The following SEPTIN8 variants were observed in gnomAD, a reference collection of about 807,000 sequenced individuals.
SEPTIN8 encodes septin 8.
A neutral mutation model predicts 53.1 loss-of-function variants in SEPTIN8; 22 were observed. The observed-to-expected ratio is 0.41, with a 90% CI of 0.30 to 0.59. The LOEUF (loss-of-function observed/expected upper bound fraction) is 0.59, where lower values mean the gene tolerates loss of function less well. Among genes scored for constraint, SEPTIN8 ranks in the 20% least tolerant of loss-of-function variants. The probability of loss-of-function intolerance (pLI) is 0.24; values close to 1 mark genes in which losing one functional copy is unlikely to be tolerated. For synonymous variants in SEPTIN8, 228 were observed against 248.4 expected, an observed-to-expected ratio of 0.92 and a Z score of 0.77; for missense variants, 536 against 638.7, an observed-to-expected ratio of 0.84 and a Z score of 1.73.
In SEPTIN8 at chr5:132,768,618, C is replaced by T. The variant is rs1009043154; in HGVS notation, c.31-3089G>A. ...ATGACTCAGAAATAAAGTCAGGTGACCCAGTGGCTACCAGCCCTGCAATTT... is the reference window on the plus strand; with the variant it reads ...ATGACTCAGAAATAAAGTCAGGTGATCCAGTGGCTACCAGCCCTGCAATTT... On this transcript the variant is annotated intron_variant, in intron 1 of 9. Transcript: ENST00000378719. 5.9e-5 allele frequency among the ~76,000 whole-genome samples: 9 copies of T among 152,352 alleles called. No homozygotes were observed. In the South Asian group the frequency reaches 8.3e-4, roughly 14 times the overall value.
At chr5:132,779,129 G>A (rs756097165), upstream of SEPTIN8, among the ~76,000 whole-genome samples, 4 of 152,188 alleles carry the variant, frequency 2.6e-5, no homozygotes, top group Admixed American at 6.5e-5. Context: ...GAGTAAACAG[G>A]AGAATTTCCT....
At position 132,750,903 on chromosome 5, in the gene SEPTIN8, A is replaced by G. The variant is rs771530528; in HGVS notation, c.*1113T>C. 7 of 1,614,150 alleles carry G rather than the reference A, an allele frequency of 4.3e-6. No individual in the cohort carries two copies. Among genetic ancestry groups the G allele is most frequent in the Admixed American group, 1.7e-5 (1 of 60,012 alleles). ...TTCACAAAGCACTATGGCTCTGACT[A>G]TTCCCCGAATGAGCTGCTGAGGATG... On this transcript the variant is annotated 3_prime_UTR_variant, in exon 10 of 10. Transcript: ENST00000378719.
chr5:132,763,866 T>A lies in SEPTIN8; in HGVS notation c.374A>T (p.Asp125Val). ...CTGCAGATAATTTTCAAACTGCGCATCGATGTAGTCAACTATGGGCCTGTA... is the reference window on the plus strand; with the variant it reads ...CTGCAGATAATTTTCAAACTGCGCAACGATGTAGTCAACTATGGGCCTGTA... ...ESYRPIVDYIDAQFENYLQEE... is the reference protein window; with the variant it reads ...ESYRPIVDYIVAQFENYLQEE... Residue 125 changes from aspartate (D) to valine (V), a missense_variant, in exon 4 of 10, where the codon GAT becomes GTT. Asp to Val is a radical substitution (Grantham distance 152, BLOSUM62 -3). Transcript: ENST00000378719. The A allele has an allele frequency of 6.3e-7, 1 of 1,591,398 alleles. No homozygotes were observed. The highest frequency in any genetic ancestry group is 2.2e-5 in the East Asian group (1 of 44,688).
Position 132,751,314 on chromosome 5 carries a change from TA to T in SEPTIN8, c.*701del, listed in dbSNP as rs1754825042. ...CTTTCCATTCTATGAATACTGTACA[TA>T]AATATCTGTCTGCTTTTGCTACACT... On this transcript the variant is annotated 3_prime_UTR_variant, in exon 10 of 10. Coordinates refer to ENST00000378719, the MANE Select transcript of SEPTIN8 (RefSeq NM_001098811.2). 1 of 252,720 alleles carries T rather than the reference TA, an allele frequency of 4.0e-6. No individual in the cohort carries two copies. The highest frequency in any genetic ancestry group is 7.5e-6 in the Non-Finnish European group (1 of 133,220). The allele number at this position is 252,720 out of a possible 1,614,324, so 15.7% of individuals were successfully genotyped here.
chr5:132,755,444 G>A (rs1755238269), intron 9 of SEPTIN8, among the ~76,000 whole-genome samples: 1 of 152,130 alleles, frequency 6.6e-6, no homozygotes, highest in Admixed American at 6.5e-5. Flanking sequence ...CCAAGGAGCA[G>A]GTGTAGCTCA....
In SEPTIN8 at chr5:132,762,551, T is replaced by A; in HGVS notation, c.629A>T (p.Asn210Ile). The A allele has an allele frequency of 1.9e-6, 3 of 1,614,230 alleles. No individual in the cohort carries two copies. The highest frequency in any genetic ancestry group is 1.7e-6 in the Non-Finnish European group (2 of 1,180,002). ...KIKIMGELVS[N>I]GVQIYQFPTD... is the part of the protein sequence containing the mutation. ...GGGGAACTGGTAGATCTGGACCCCG[T>A]TGCTGACCAACTCGCCCATGATCTT... Residue 210 changes from asparagine to isoleucine, a missense_variant, in exon 5 of 10, where the codon AAC becomes ATC. Around this residue, in one of 3 missense-constraint regions of SEPTIN8, gnomAD observed 395 missense variants for 451.8 expected, o/e 0.87. Transcript: ENST00000378719.
chr5:132,758,245 A>T lies in SEPTIN8; in HGVS notation c.1286+2557T>A, dbSNP rs1755526329. ...TATTTTTAGTTTTTAAAAATCAGGG[A>T]ATCTGTGTTACTTATGAAAATAATG... On this transcript the variant is annotated intron_variant, in intron 9 of 9. Transcript: ENST00000378719. 8 of 1,273,296 alleles carry T rather than the reference A, an allele frequency of 6.3e-6. No homozygotes were observed. The South Asian group carries it at 2.2e-4, about 35-fold the overall frequency. 78.9% of individuals were successfully genotyped at this position (1,273,296 alleles called of 1,614,324 possible). A position where few individuals can be genotyped will look rare whatever the true frequency, so the allele number is the denominator to read the frequency against.
intron 9 of SEPTIN8, chr5:132,758,233 T>A: frequency 1.6e-6 from 2 of 1,255,832 alleles, no homozygotes; most frequent in Non-Finnish European, 2.0e-6. Context: ...TTTTAGTTTT[T>A]AAAAATCAGG....
In SEPTIN8 at chr5:132,760,898, G is replaced by T. The variant is rs201191794; in HGVS notation, c.1190C>A (p.Ala397Asp). 188 of 1,611,202 alleles carry T rather than the reference G, an allele frequency of 1.2e-4. No homozygotes were observed. Among genetic ancestry groups the T allele is most frequent in the African/African-American group, 9.4e-5 (7 of 74,722 alleles). The change falls in exon 9 of 10, where the codon GCC (alanine) becomes GAC (aspartate). Residue 397 changes from alanine to aspartate, a missense_variant. Physicochemically the swap from Ala to Asp is moderately radical, Grantham distance 126. Transcript: ENST00000378719. The surrounding 1 kb of genome is among the most constrained non-coding windows in gnomAD (Gnocchi z 5.2). Reference sequence around the variant, plus strand: ...CACCGCAGCCTTCCGGCGATTGAAGGCGTTGGTCTCCTCCTCCAGTTCCCG... The same window carrying T: ...CACCGCAGCCTTCCGGCGATTGAAGTCGTTGGTCTCCTCCTCCAGTTCCCG... The part of the protein sequence containing the change: ...KRRELEEETN[A>D]FNRRKAAVEA...
At chr5:132,758,796 C>T in intron 9 of SEPTIN8, 1 of 1,614,100 alleles carries the variant, frequency 6.2e-7, no homozygotes, top group Non-Finnish European at 8.5e-7. Flanking sequence ...AAAGTCCACT[C>T]TTGACATGTA....
Position 132,750,834 on chromosome 5 carries a change from G to C in SEPTIN8, c.*1182C>G. The C allele has an allele frequency of 1.2e-6, 2 of 1,611,640 alleles. No homozygotes were observed. The highest frequency in any genetic ancestry group is 1.7e-6 in the Non-Finnish European group (2 of 1,179,158). The stretch of plus-strand genomic sequence containing the variant: ...TACTATGACATGATGTAGGGCTTTG[G>C]CCTCTTTATTTTCTTTTTACAGTTT... On this transcript the variant is annotated 3_prime_UTR_variant, in exon 10 of 10. Coordinates refer to ENST00000378719, the MANE Select transcript of SEPTIN8 (RefSeq NM_001098811.2).
At chr5:132,759,217 C>T (rs568688138) in intron 9 of SEPTIN8, among the ~76,000 whole-genome samples, 77 of 152,302 alleles carry the variant, frequency 5.1e-4, no homozygotes, top group Non-Finnish European at 9.0e-4. Flanking sequence ...TCCACAGAGC[C>T]GTCATGGGAA....
intron 1 of SEPTIN8, among the ~76,000 whole-genome samples, chr5:132,774,698 G>T (rs1757630979): frequency 6.6e-6 from 1 of 152,150 alleles, no homozygotes; most frequent in Non-Finnish European, 1.5e-5. Flanking sequence ...TAAGCTCCAG[G>T]TCAGGACAAT....
chr5:132,767,131 T>C (rs1756682669), intron 1 of SEPTIN8, among the ~76,000 whole-genome samples: 1 of 152,110 alleles, frequency 6.6e-6, no homozygotes, highest in African/African-American at 2.4e-5. Flanking sequence ...CCCCATCACC[T>C]AGCCCCAAAG....
At chr5:132,770,264 C>T (rs1204631098) in intron 1 of SEPTIN8, among the ~76,000 whole-genome samples, 10 of 150,410 alleles carry the variant, frequency 6.6e-5, no homozygotes, top group Admixed American at 4.7e-4. Flanking sequence ...CTGTAACCTC[C>T]GCCTCCTAGG....
intron 1 of SEPTIN8, among the ~76,000 whole-genome samples, chr5:132,770,103 A>G (rs1385288808): frequency 0.012 from 280 of 23,034 alleles, 6 homozygotes; most frequent in Admixed American, 0.019. Flanking sequence ...ATATATATGT[A>G]TATATGTATA....
Position 132,760,961 on chromosome 5 carries a change from A to G in SEPTIN8, c.1127T>C (p.Val376Ala). Residue 376 changes from valine to alanine, a missense_variant, in exon 9 of 10, where the codon GTC (valine) becomes GCC (alanine). Transcript: ENST00000378719. The surrounding 1 kb of genome is among the most constrained non-coding windows in gnomAD (Gnocchi z 5.2). Reference sequence around the variant, plus strand: ...CACCTTGCGCTTCTCCTCCTGGTGGACCCGCTTCAGGTGCTCAAACTTCTC... The same window carrying G: ...CACCTTGCGCTTCTCCTCCTGGTGGGCCCGCTTCAGGTGCTCAAACTTCTC... Reference protein sequence around the residue: ...LHEKFEHLKRVHQEEKRKVEE... With the variant: ...LHEKFEHLKRAHQEEKRKVEE... 6.3e-7 allele frequency: 1 copy of G among 1,589,936 alleles called. No individual in the cohort carries two copies. Among genetic ancestry groups the G allele is most frequent in the South Asian group, 1.2e-5 (1 of 86,426 alleles).
rs762175969 is a variant in SEPTIN8 at position 132,761,663 on chromosome 5, T to C, written c.794-37A>G. ...GGGCCGGTGGGGTATCAGGCAGGCA[T>C]GCAGGCGGGCACACTCCAGAGTCAG... On this transcript the variant is annotated intron_variant, in intron 6 of 9. Coordinates refer to ENST00000378719, the MANE Select transcript of SEPTIN8 (RefSeq NM_001098811.2). This position sits in a 1 kb window ranked among gnomAD's most constrained non-coding sequence, Gnocchi z 5.8. The C allele has an allele frequency of 6.2e-6, 10 of 1,608,874 alleles. No homozygotes were observed. In the South Asian group the frequency reaches 1.1e-4, roughly 18 times the overall value.
At chr5:132,767,956 C>CACAG (rs1300230281) in intron 1 of SEPTIN8, among the ~76,000 whole-genome samples, 1 of 149,680 alleles carries the variant, frequency 6.7e-6, no homozygotes. Flanking sequence ...CACACACACA[C>CACAG]ACACACACAC....
Sources: gnomAD v4.1 joint callset for allele counts (sites outside exome capture counted in the v4.1 genomes callset) on GRCh38, gnomAD v4.1.1 for gene constraint, gnomAD v4.1.1 regional missense constraint, Gnocchi (gnomAD v3.1) non-coding constraint, MANE v1.5 for transcripts, NCBI Gene and HGNC (gene_info 2026-07-23, HGNC 2026-07-21) for gene names.